The following DNAH14 variants were observed in gnomAD, a reference collection of about 807,000 sequenced individuals.
DNAH14 encodes the protein dynein axonemal heavy chain 14.
In DNAH14, 478 loss-of-function variants were observed where a neutral mutation model predicts 520.9. The observed-to-expected ratio is 0.92, with a 90% confidence interval of 0.85 to 0.99. DNAH14 has a LOEUF of 0.99. Ranked by LOEUF, DNAH14 falls within the 50% of genes least tolerant of loss-of-function variation. DNAH14 has a pLI of 0.00. For missense variants in DNAH14, 4,831 were observed against 5,234.5 expected, an observed-to-expected ratio of 0.92 and a Z score of 2.38; for synonymous variants, 1,581 against 1,757.2, an observed-to-expected ratio of 0.90 and a Z score of 2.51.
chr1:225,026,269 T>G (rs1026233271), intron 11 of DNAH14, among the ~76,000 whole-genome samples: 1 of 151,824 alleles, frequency 6.6e-6, no homozygotes, highest in African/African-American at 2.4e-5. Flanking sequence ...TTTAATTTTA[T>G]TTTTATTTAA....
chr1:225,073,681 GTTTTTGTTTTTGT>G (rs1229905399), intron 17 of DNAH14, among the ~76,000 whole-genome samples: 2 of 151,356 alleles, frequency 1.3e-5, no homozygotes, highest in Non-Finnish European at 2.9e-5. Flanking sequence ...GTTGTTGTTT[GTTTTTGTTTTTGT>G]TTTTTGTTTT....
intron 46 of DNAH14, among the ~76,000 whole-genome samples, chr1:225,262,652 G>T (rs1186402811): frequency 3.9e-5 from 6 of 151,990 alleles, no homozygotes; most frequent in Non-Finnish European, 8.8e-5. Flanking sequence ...TCAGTTGGTT[G>T]TAAGTATTTG....
At chr1:225,339,901 T>C (rs1462001629) in intron 68 of DNAH14, among the ~76,000 whole-genome samples, 1 of 152,140 alleles carries the variant, frequency 6.6e-6, no homozygotes. Flanking sequence ...TCTGCCAGCT[T>C]CCCTCTTCCT....
At position 225,290,673 on chromosome 1, in the gene DNAH14, A is replaced by G. The variant is rs529401551; in HGVS notation, c.8469+591A>G. Among the ~76,000 whole-genome samples the G allele has an allele frequency of 2.8e-4, 35 of 126,472 alleles. 1 individual carries two copies. Among genetic ancestry groups the G allele is most frequent in the African/African-American group, 1.1e-3 (34 of 30,244 alleles). 83.0% of individuals were successfully genotyped at this position (126,472 alleles called of 152,430 possible). A position where few individuals can be genotyped will look rare whatever the true frequency, so the allele number is the denominator to read the frequency against. On this transcript the variant is annotated intron_variant, in intron 55 of 85. Transcript: ENST00000682510. ...TATATATATATATATATATATATAT[A>G]TATATATATATATATATATATTTCC... is the stretch of plus-strand genomic sequence containing the variant.
intron 1 of DNAH14, among the ~76,000 whole-genome samples, chr1:224,937,921 AC>A (rs1219554614): frequency 6.6e-6 from 1 of 152,184 alleles, no homozygotes; most frequent in Non-Finnish European, 1.5e-5. Flanking sequence ...CTGATCTTTG[AC>A]AAAGTCACCA....
Position 225,007,425 on chromosome 1 carries a change from C to G in DNAH14, c.988C>G (p.Arg330Gly), listed in dbSNP as rs780894940. ...ATCATCTAATTAGCTGGATAGTTCT[C>G]GAACATATTCTCTAGATGAATTTTG... Reference protein sequence around the residue: ...AICLVKLDSSRTYSLDEFCEE... With the variant: ...AICLVKLDSSGTYSLDEFCEE... The change falls in exon 10 of 86, where the codon CGA becomes GGA. Residue 330 changes from arginine (R) to glycine (G), a missense_variant. Transcript: ENST00000682510. 6.5e-7 allele frequency: 1 copy of G among 1,535,014 alleles called. No individual in the cohort carries two copies. The highest frequency in any genetic ancestry group is 2.5e-5 in the East Asian group (1 of 40,128).
At chr1:225,394,659 A>G (rs1420428211) in intron 84 of DNAH14, among the ~76,000 whole-genome samples, 4 of 152,170 alleles carry the variant, frequency 2.6e-5, no homozygotes, top group Non-Finnish European at 4.4e-5. Context: ...CCTGGCCAAC[A>G]TGGCAAAACC....
chr1:225,269,274 A>T (rs2093232164), intron 49 of DNAH14, among the ~76,000 whole-genome samples: 1 of 152,204 alleles, frequency 6.6e-6, no homozygotes, highest in African/African-American at 2.4e-5. Flanking sequence ...CTGGCTAGCC[A>T]TATGTAGAAA....
At chr1:225,201,065 TA>T (rs1391079942) in intron 38 of DNAH14, among the ~76,000 whole-genome samples, 2 of 151,784 alleles carry the variant, frequency 1.3e-5, no homozygotes, top group Non-Finnish European at 2.9e-5. Flanking sequence ...TTCTTATTAT[TA>T]TTATTATTTT....
rs370145393 is a variant in DNAH14, at chr1:225,365,880, A to G, written c.12090+986A>G. On this transcript the variant is annotated intron_variant, in intron 76 of 85. Coordinates refer to ENST00000682510, the MANE Select transcript of DNAH14 (RefSeq NM_001367479.1). ...TTAAGTAGTCCATCGCTCCACCTCC[A>G]CTTTAAGTCTCCATCAGCATTTTAA... Among the ~76,000 whole-genome samples the G allele has an allele frequency of 8.9e-4, 136 of 152,296 alleles. 1 individual carries two copies. The highest frequency in any genetic ancestry group is 3.1e-3 in the African/African-American group (127 of 41,572).
intron 17 of DNAH14, among the ~76,000 whole-genome samples, chr1:225,073,185 G>A (rs2071762903): frequency 6.6e-6 from 1 of 152,160 alleles, no homozygotes; most frequent in Non-Finnish European, 1.5e-5. Flanking sequence ...TGGGGTTGGG[G>A]ACACGCTTAA....
intron 23 of DNAH14, among the ~76,000 whole-genome samples, chr1:225,106,863 AC>A: frequency 6.6e-6 from 1 of 151,978 alleles, no homozygotes; most frequent in East Asian, 1.9e-4. Flanking sequence ...ATCATCTGAA[AC>A]CTTCTTCTCT....
At chr1:224,967,049 A>G (rs932248228) in intron 5 of DNAH14, among the ~76,000 whole-genome samples, 2 of 152,190 alleles carry the variant, frequency 1.3e-5, no homozygotes, top group Non-Finnish European at 2.9e-5. Flanking sequence ...ATCATTATCA[A>G]AATAAATGAC....
rs1389079493 is a variant in DNAH14 at position 224,975,167 on chromosome 1, G to A, written c.830+1014G>A. ...GGATTTTTGCATCAATGTTCATCAAGGATATTGGTCTGAAATTCTCTTTTT... is the reference window on the plus strand; with the variant it reads ...GGATTTTTGCATCAATGTTCATCAAAGATATTGGTCTGAAATTCTCTTTTT... On this transcript the variant is annotated intron_variant, in intron 8 of 85. Transcript: ENST00000682510. 3.3e-5 allele frequency among the ~76,000 whole-genome samples: 5 copies of A among 151,766 alleles called. No individual in the cohort carries two copies. The South Asian group carries it at 1.0e-3, about 32-fold the overall frequency.
At chr1:224,930,540 A>G (rs1447272671) in intron 1 of DNAH14, among the ~76,000 whole-genome samples, 1 of 152,244 alleles carries the variant, frequency 6.6e-6, no homozygotes, top group Non-Finnish European at 1.5e-5. Context: ...ACAATTATGT[A>G]CAGTACATAG....
intron 23 of DNAH14, among the ~76,000 whole-genome samples, chr1:225,110,578 G>A (rs1338158534): frequency 6.7e-6 from 1 of 150,296 alleles, no homozygotes; most frequent in South Asian, 2.1e-4. Flanking sequence ...TTTTTTCTTA[G>A]TCTGGCTAAA....
chr1:224,993,882 T>C (rs1301308889), intron 8 of DNAH14, among the ~76,000 whole-genome samples: 2 of 152,066 alleles, frequency 1.3e-5, no homozygotes, highest in African/African-American at 2.4e-5. Context: ...GTTGCATTTC[T>C]ATTTTTGTTT....
At chr1:225,261,091 A>G (rs1339856784) in intron 46 of DNAH14, among the ~76,000 whole-genome samples, 1 of 152,186 alleles carries the variant, frequency 6.6e-6, no homozygotes, top group African/African-American at 2.4e-5. Flanking sequence ...CAGCAAGCGG[A>G]CAATTTCACC....
At chr1:225,104,543 A>G (rs2075837881) in intron 23 of DNAH14, among the ~76,000 whole-genome samples, 1 of 152,144 alleles carries the variant, frequency 6.6e-6, no homozygotes, top group South Asian at 2.1e-4. Flanking sequence ...TAAGCTATTA[A>G]TTATTGCCTC....
Sources: allele counts gnomAD v4.1 joint callset (sites outside exome capture counted in the v4.1 genomes callset), GRCh38; gene constraint gnomAD v4.1.1; transcripts MANE v1.5; gene names NCBI Gene and HGNC (gene_info 2026-07-23, HGNC 2026-07-21).